Variants in SPEF2 observed in about 807,000 individuals in gnomAD.
SPEF2 encodes sperm flagellar and cilia associated 2.
SPEF2 carries 187 observed loss-of-function variants against 224.6 expected under a neutral mutation model. The observed-to-expected ratio is 0.83, with a 90% CI of 0.74 to 0.94. SPEF2 has a LOEUF of 0.94. SPEF2 is among the 40% of genes least tolerant of loss of function. SPEF2 has a pLI of 0.00. For synonymous variants in SPEF2, 715 were observed against 707.3 expected (o/e 1.01, Z -0.17); for missense variants, 2,170 against 2,135.6 (o/e 1.02, Z -0.32).
rs185189864 is a variant in SPEF2 at position 35,771,788 on chromosome 5, A to G, written c.3949+32A>G. 1.9e-6 allele frequency: 3 copies of G among 1,570,530 alleles called. No individual in the cohort carries two copies. In the African/African-American group the frequency reaches 4.1e-5, roughly 22 times the overall value. On this transcript the variant is annotated intron_variant, in intron 27 of 36. Coordinates refer to ENST00000356031, the MANE Select transcript of SPEF2 (RefSeq NM_024867.4). Reference sequence around the variant, plus strand: ...ATGGTTTTAGCACTCAGAACCCTGGATGCCTAAACCTCTCCTTCGTAGAAA... The same window carrying G: ...ATGGTTTTAGCACTCAGAACCCTGGGTGCCTAAACCTCTCCTTCGTAGAAA...
At chr5:35,667,756 C>T (rs1403857202) in intron 9 of SPEF2, among the ~76,000 whole-genome samples, 1 of 152,062 alleles carries the variant, frequency 6.6e-6, no homozygotes, top group Non-Finnish European at 1.5e-5. Flanking sequence ...GAAGATATTT[C>T]AAACTGCCTA....
intron 21 of SPEF2, among the ~76,000 whole-genome samples, chr5:35,738,540 C>G (rs922325746): frequency 6.7e-6 from 1 of 148,958 alleles, no homozygotes; most frequent in Admixed American, 6.6e-5. Flanking sequence ...AAGAGCAAAG[C>G]TTTCAACAGA....
At chr5:35,744,221 G>A (rs139222149) in intron 23 of SPEF2, among the ~76,000 whole-genome samples, 17 of 152,198 alleles carry the variant, frequency 1.1e-4, no homozygotes, top group African/African-American at 4.1e-4. Context: ...TACAACTTTT[G>A]TAAGAATAGA....
At chr5:35,786,369 C>A (rs149932023) in intron 30 of SPEF2, among the ~76,000 whole-genome samples, 2 of 152,014 alleles carry the variant, frequency 1.3e-5, no homozygotes, top group African/African-American at 4.8e-5. Flanking sequence ...GATTAAAAAG[C>A]GAAGGAGAGG....
rs540161855 is a variant in SPEF2 at position 35,795,578 on chromosome 5, G to T, written c.4738-125G>T. ...TAGTATTTTCTCCTACACCCCTGTG[G>T]TTTCTGCATCCTACTTGGGAGACAA... On this transcript the variant is annotated intron_variant, in intron 32 of 36. Transcript: ENST00000356031. 6 of 667,066 alleles carry T rather than the reference G, an allele frequency of 9.0e-6. No homozygotes were observed. In the South Asian group the frequency reaches 1.2e-4, roughly 14 times the overall value. The allele number at this position is 667,066 out of a possible 1,614,324, so 41.3% of individuals were successfully genotyped here. A position where few individuals can be genotyped will look rare whatever the true frequency, so the allele number is the denominator to read the frequency against.
At chr5:35,797,316 G>A (rs1317751271) in intron 33 of SPEF2, among the ~76,000 whole-genome samples, 3 of 27,848 alleles carry the variant, frequency 1.1e-4, no homozygotes, top group Non-Finnish European at 9.7e-5. Context: ...GATGGCTGAC[G>A]GGTGTGTGTG....
chr5:35,718,187 G>T (rs188949652), intron 20 of SPEF2, among the ~76,000 whole-genome samples: 18 of 152,246 alleles, frequency 1.2e-4, no homozygotes, highest in African/African-American at 3.9e-4. Flanking sequence ...CTCTTTTGCT[G>T]GCATGTCAGG....
At chr5:35,671,047 G>C (rs1751162104) in intron 10 of SPEF2, 1 of 985,214 alleles carries the variant, frequency 1.0e-6, no homozygotes, top group Admixed American at 6.2e-5. Flanking sequence ...GAAATTTTGA[G>C]TGGATCAACA....
At chr5:35,639,526 G>A (rs534185343) in intron 2 of SPEF2, among the ~76,000 whole-genome samples, 9 of 152,200 alleles carry the variant, frequency 5.9e-5, no homozygotes, top group Non-Finnish European at 1.2e-4. Context: ...ATGTAAACTG[G>A]AAATATATTT....
intron 10 of SPEF2, among the ~76,000 whole-genome samples, chr5:35,686,596 A>G (rs984459729): frequency 2.6e-5 from 4 of 152,146 alleles, no homozygotes; most frequent in African/African-American, 9.6e-5. Context: ...TAGAAAACAC[A>G]ATAAATCAAT....
At chr5:35,725,601 GTTTAC>G (rs1043456558) in intron 20 of SPEF2, among the ~76,000 whole-genome samples, 2 of 152,032 alleles carry the variant, frequency 1.3e-5, no homozygotes, top group Non-Finnish European at 2.9e-5. Context: ...AGAATTAACT[GTTTAC>G]TTTCTTAGTT....
intron 26 of SPEF2, chr5:35,764,860 A>G (rs981544669): frequency 1.8e-5 from 7 of 380,280 alleles, no homozygotes; most frequent in South Asian, 4.0e-5. Context: ...CTCACAAGCA[A>G]TGATAACTCC....
rs774242828 is a variant in SPEF2, at chr5:35,709,023, C to A, written c.2741C>A (p.Pro914His). The A allele has an allele frequency of 6.2e-7, 1 of 1,613,532 alleles. No homozygotes were observed. ...ASLAELPLPT[P>H]PPAPPPEPEK... ...CTGGCTGAGCTTCCACTTCCTACAC[C>A]TCCTCCTGCTCCTCCTCCTGAACCA... The change falls in exon 19 of 37, where the codon CCT becomes CAT. Residue 914 changes from proline (P) to histidine (H), a missense_variant. Pro to His is a moderately conservative substitution (Grantham distance 77). Coordinates refer to ENST00000356031, the MANE Select transcript of SPEF2 (RefSeq NM_024867.4).
intron 26 of SPEF2, among the ~76,000 whole-genome samples, chr5:35,770,293 T>C (rs151214852): frequency 2.0e-5 from 3 of 152,252 alleles, no homozygotes; most frequent in Admixed American, 2.0e-4. Context: ...CTGTATACAT[T>C]GTGGGATGAC....
At chr5:35,643,583 A>G (rs1421462317) in intron 3 of SPEF2, 1 of 455,462 alleles carries the variant, frequency 2.2e-6, no homozygotes, top group African/African-American at 2.0e-5. Flanking sequence ...AGATGGAAAG[A>G]GGCCCTCTGG....
chr5:35,679,252 C>T (rs192231209), intron 10 of SPEF2, among the ~76,000 whole-genome samples: 4 of 152,150 alleles, frequency 2.6e-5, no homozygotes, highest in African/African-American at 2.4e-5. Flanking sequence ...CCAGGAGATA[C>T]AGTGCCAGGG....
rs529462502 is a variant in SPEF2 at position 35,712,831 on chromosome 5, A to G, written c.2859A>G (p.Gln953=). The change falls in exon 20 of 37, where the codon CAA becomes CAG. Residue 953 remains glutamine (Q), a synonymous_variant. Coordinates refer to ENST00000356031, the MANE Select transcript of SPEF2 (RefSeq NM_024867.4). Reference sequence around the variant, plus strand: ...GTTTAGAAGCCCCGCATGGTAAGCAAGAATCTCTTCAGGAAGGAAAAGGGA... The same window carrying G: ...GTTTAGAAGCCCCGCATGGTAAGCAGGAATCTCTTCAGGAAGGAAAAGGGA... The part of the protein sequence containing the change: ...KPQSEAPHGK[Q]ESLQEGKGKK... 6.2e-7 allele frequency: 1 copy of G among 1,613,958 alleles called. No homozygotes were observed. Among genetic ancestry groups the G allele is most frequent in the Admixed American group, 1.7e-5 (1 of 60,010 alleles).
rs542731776 is a variant in SPEF2, at chr5:35,774,508, G to C, written c.4078+487G>C. Among the ~76,000 whole-genome samples the C allele has an allele frequency of 3.3e-5, 5 of 152,244 alleles. No individual in the cohort carries two copies. In the East Asian group the frequency reaches 9.6e-4, roughly 29 times the overall value. The stretch of plus-strand genomic sequence containing the variant: ...GTCCTTGGGAACAAAGGCCATAGGA[G>C]AGCCAGTCATATATCTATTATGTTC... On this transcript the variant is annotated intron_variant, in intron 28 of 36. Coordinates refer to ENST00000356031, the MANE Select transcript of SPEF2 (RefSeq NM_024867.4).
At chr5:35,652,082 A>G (rs555779887) in intron 6 of SPEF2, among the ~76,000 whole-genome samples, 1 of 152,318 alleles carries the variant, frequency 6.6e-6, no homozygotes, top group African/African-American at 2.4e-5. Context: ...TAGATTATAC[A>G]CATACAATTA....
Sources: allele counts gnomAD v4.1 joint callset (sites outside exome capture counted in the v4.1 genomes callset), GRCh38; gene constraint gnomAD v4.1.1; transcripts MANE v1.5; gene names NCBI Gene and HGNC (gene_info 2026-07-23, HGNC 2026-07-21).